SLC39A10: variants seen among roughly 807,000 people sequenced by gnomAD.
The protein encoded by SLC39A10 is solute carrier family 39 member 10, also known as zinc transporter ZIP10.
In SLC39A10, 13 loss-of-function variants were observed where a neutral mutation model predicts 65.1. The ratio of observed to expected loss-of-function variants is 0.20; its 90% CI spans 0.13 to 0.32. The LOEUF is 0.32. Among genes scored for constraint, SLC39A10 ranks in the 10% least tolerant of loss-of-function variants. SLC39A10 has a pLI of 1.00. For missense variants in SLC39A10, 831 were observed against 1,018.4 expected (o/e 0.82, Z 2.50); for synonymous variants, 321 against 342.2 (o/e 0.94, Z 0.68).
intron 3 of SLC39A10, among the ~76,000 whole-genome samples, chr2:195,695,566 T>C (rs1373221346): frequency 1.3e-5 from 2 of 152,126 alleles, no homozygotes; most frequent in Non-Finnish European, 2.9e-5. Flanking sequence ...CACAGTTTTT[T>C]TGGTGTCTCA....
intron 3 of SLC39A10, among the ~76,000 whole-genome samples, chr2:195,690,380 C>G (rs1005237766): frequency 6.6e-6 from 1 of 151,850 alleles, no homozygotes; most frequent in Non-Finnish European, 1.5e-5. Flanking sequence ...GTTTTAAATT[C>G]TTTTGGTTAT....
At chr2:195,664,410 A>T (rs1053977728) in intron 1 of SLC39A10, among the ~76,000 whole-genome samples, 8 of 152,206 alleles carry the variant, frequency 5.3e-5, no homozygotes, top group Non-Finnish European at 1.2e-4. Flanking sequence ...GGGGAGAAAA[A>T]ACTTTTAAAA....
intron 2 of SLC39A10, among the ~76,000 whole-genome samples, chr2:195,636,993 A>G (rs923300617): frequency 6.6e-6 from 1 of 152,164 alleles, no homozygotes; most frequent in Non-Finnish European, 1.5e-5. Flanking sequence ...GGCCTCCCCT[A>G]TGTACCTAAT....
chr2:195,689,243 CTA>C (rs2105784236), intron 3 of SLC39A10, among the ~76,000 whole-genome samples: 1 of 152,188 alleles, frequency 6.6e-6, no homozygotes, highest in South Asian at 2.1e-4. Context: ...GACCATGTCT[CTA>C]TAAATAATTT....
intron 3 of SLC39A10, among the ~76,000 whole-genome samples, chr2:195,687,605 T>G (rs1473374787): frequency 6.6e-6 from 1 of 152,218 alleles, no homozygotes; most frequent in African/African-American, 2.4e-5. Context: ...AAATGCAGCT[T>G]GAATTAATTA....
At chr2:195,677,856 T>G (rs1361905956) in intron 1 of SLC39A10, among the ~76,000 whole-genome samples, 2 of 151,912 alleles carry the variant, frequency 1.3e-5, no homozygotes, top group African/African-American at 2.4e-5. Context: ...TTCGAGTGAT[T>G]CTCCTGTGTC....
At chr2:195,731,684 T>C (rs1457291024) in intron 9 of SLC39A10, among the ~76,000 whole-genome samples, 4 of 152,150 alleles carry the variant, frequency 2.6e-5, no homozygotes, top group African/African-American at 7.2e-5. Context: ...TGTGTTATGA[T>C]AGAGTTTTGC....
At chr2:195,702,434 T>G (rs900470913) in intron 3 of SLC39A10, among the ~76,000 whole-genome samples, 1 of 152,178 alleles carries the variant, frequency 6.6e-6, no homozygotes, top group Admixed American at 6.5e-5. Flanking sequence ...ATTAACCACA[T>G]TTTACCATCG....
In SLC39A10 at chr2:195,683,744, A is replaced by T. The variant is rs143138746; in HGVS notation, c.1054A>T (p.Asn352Tyr). 473 of 1,613,340 alleles carry T rather than the reference A, an allele frequency of 2.9e-4. 1 individual carries two copies. In the Middle Eastern group the frequency reaches 5.3e-3, roughly 18 times the overall value. Residue 352 changes from asparagine (N) to tyrosine (Y), a missense_variant, in exon 3 of 10, where the codon AAC (asparagine) becomes TAC (tyrosine). Coordinates refer to ENST00000359634, the MANE Select transcript of SLC39A10 (RefSeq NM_020342.3). ...ATTAAAATACTATGGTCATGGTGCC[A>T]ACTCTCCCATCTCAACTGATTTATT... ...QLLKYYGHGA[N>Y]SPISTDLFTY...
intron 1 of SLC39A10, 199 bp downstream of exon 1, chr2:195,657,480 CGTGGTGGGCAGA>C: frequency 1.0e-6 from 1 of 985,692 alleles, no homozygotes; most frequent in Non-Finnish European, 1.2e-6. Context: ...AAGCAGAGCG[CGTGGTGGGCAGA>C]GTGTTGGGCG....
intron 9 of SLC39A10, among the ~76,000 whole-genome samples, chr2:195,732,108 G>A (rs543635776): frequency 2.2e-4 from 34 of 152,250 alleles, no homozygotes; most frequent in African/African-American, 2.9e-4. Flanking sequence ...CCATATTGTC[G>A]TCAGGTAGGT....
chr2:195,659,088 C>T (rs1367092530), intron 1 of SLC39A10, among the ~76,000 whole-genome samples: 1 of 152,116 alleles, frequency 6.6e-6, no homozygotes, highest in Non-Finnish European at 1.5e-5. Context: ...TAATTTTTGC[C>T]TGCATTCGTA....
intron 1 of SLC39A10, chr2:195,657,654 G>C (rs969602637): frequency 2.0e-6 from 2 of 983,118 alleles, no homozygotes; most frequent in African/African-American, 3.5e-5. Flanking sequence ...GGGAGTGACC[G>C]CTGGGCGGGT....
chr2:195,616,297 G>GGATT (rs111926219), intron 2 of SLC39A10, among the ~76,000 whole-genome samples: 39,247 of 150,758 alleles, frequency 0.26, 5,288 homozygotes, highest in East Asian at 0.41. Flanking sequence ...ATTTCAATTT[G>GGATT]GATTGATTGA....
chr2:195,634,008 A>G (rs190797599), intron 2 of SLC39A10, among the ~76,000 whole-genome samples: 61 of 152,382 alleles, frequency 4.0e-4, no homozygotes, highest in Admixed American at 8.5e-4. Flanking sequence ...AGTGTGATAT[A>G]TAAAGGTTAA....
At chr2:195,713,386 C>T in intron 5 of SLC39A10, 47 bp from the exon 6 acceptor site, 1 of 1,420,848 alleles carries the variant, frequency 7.0e-7, no homozygotes, top group Non-Finnish European at 9.4e-7. Flanking sequence ...TAATTGTGTC[C>T]TCACATTTTA....
At chr2:195,724,969 A>C (rs1231423298) in intron 8 of SLC39A10, among the ~76,000 whole-genome samples, 1 of 152,148 alleles carries the variant, frequency 6.6e-6, no homozygotes, top group African/African-American at 2.4e-5. Context: ...AAGAGTCCTC[A>C]CATATATGGC....
Position 195,680,932 on chromosome 2 carries a change from T to C in SLC39A10, c.890T>C (p.Leu297Pro). 1 of 1,614,092 alleles carries C rather than the reference T, an allele frequency of 6.2e-7. No individual in the cohort carries two copies. Among genetic ancestry groups the C allele is most frequent in the South Asian group, 1.1e-5 (1 of 91,066 alleles). The change falls in exon 2 of 10, where the codon CTT (leucine) becomes CCT (proline). Residue 297 changes from leucine (L) to proline (P), a missense_variant. By Grantham distance (98) the Leu-to-Pro change is moderately conservative (BLOSUM62 -3). Coordinates refer to ENST00000359634, the MANE Select transcript of SLC39A10 (RefSeq NM_020342.3). The stretch of plus-strand genomic sequence containing the variant: ...GATCCTGGTCGTGGACACCAAGATC[T>C]TGATCCTGATAATGAAGGTGAACTT... ...GHDPGRGHQD[L>P]DPDNEGELRH... is the part of the protein sequence containing the mutation.
At chr2:195,654,955 T>A (rs1689116037), upstream of SLC39A10, among the ~76,000 whole-genome samples, 1 of 152,208 alleles carries the variant, frequency 6.6e-6, no homozygotes, top group Non-Finnish European at 1.5e-5. Context: ...TCAGTGTGTA[T>A]ACACTTGAAA....
Sources: gnomAD v4.1 joint callset for allele counts (sites outside exome capture counted in the v4.1 genomes callset) on GRCh38, gnomAD v4.1.1 for gene constraint, MANE v1.5 for transcripts, NCBI Gene and HGNC (gene_info 2026-07-23, HGNC 2026-07-21) for gene names.